The following SLC14A2 variants were observed in gnomAD, a reference collection of about 807,000 sequenced individuals.
SLC14A2 encodes the protein urea transporter 2.
Under a neutral mutation model 104.6 loss-of-function variants are expected in SLC14A2, and 91 were observed. The ratio of observed to expected loss-of-function variants is 0.87; its 90% CI spans 0.73 to 1.04. The LOEUF is 1.04. Ranked by LOEUF, SLC14A2 falls within the 50% of genes least tolerant of loss-of-function variation. The pLI, the probability that SLC14A2 is intolerant of heterozygous loss-of-function variation, is 0.00. For missense variants in SLC14A2, 1,189 were observed against 1,156.0 expected (o/e 1.03, Z -0.41); for synonymous variants, 476 against 466.4 (o/e 1.02, Z -0.27).
At chr18:45,476,097 T>C (rs1170143537) in intron 1 of SLC14A2, among the ~76,000 whole-genome samples, 1 of 152,320 alleles carries the variant, frequency 6.6e-6, no homozygotes, top group South Asian at 2.1e-4. Flanking sequence ...CAATTTGGTA[T>C]GTTTTTGCAG....
intron 2 of SLC14A2, chr18:45,550,048 A>G (rs937313092): frequency 6.6e-6 from 1 of 152,132 alleles, no homozygotes; most frequent in Non-Finnish European, 1.5e-5. Flanking sequence ...AACTACATCA[A>G]GCTGCATAGA....
intron 1 of SLC14A2, among the ~76,000 whole-genome samples, chr18:45,618,910 G>A (rs1209815496): frequency 2.6e-5 from 4 of 152,122 alleles, no homozygotes; most frequent in Admixed American, 6.6e-5. Context: ...GGGCATGGGC[G>A]TGTTTCTGCA....
At chr18:45,400,375 A>T (rs774027665) in intron 1 of SLC14A2, among the ~76,000 whole-genome samples, 2 of 152,160 alleles carry the variant, frequency 1.3e-5, no homozygotes, top group Non-Finnish European at 2.9e-5. Flanking sequence ...CTTTCTCATA[A>T]TTAGACCCAG....
At chr18:45,373,141 G>A (rs1239200849) in intron 1 of SLC14A2, among the ~76,000 whole-genome samples, 1 of 152,086 alleles carries the variant, frequency 6.6e-6, no homozygotes, top group South Asian at 2.1e-4. Context: ...ATAAGAACAG[G>A]GTTTATTGCT....
At chr18:45,643,489 C>T (rs1264038936) in intron 9 of SLC14A2, among the ~76,000 whole-genome samples, 4 of 152,180 alleles carry the variant, frequency 2.6e-5, no homozygotes, top group Non-Finnish European at 5.9e-5. Context: ...CAATTTTCAG[C>T]TCCATCATTG....
intron 1 of SLC14A2, among the ~76,000 whole-genome samples, chr18:45,396,647 TTCCC>T (rs59806139): frequency 6.7e-6 from 1 of 148,886 alleles, no homozygotes; most frequent in Non-Finnish European, 1.5e-5. Flanking sequence ...TTTTTCTTTT[TTCCC>T]TCTTTTTTCC....
At chr18:45,456,917 G>A (rs1411088130) in intron 1 of SLC14A2, among the ~76,000 whole-genome samples, 1 of 152,124 alleles carries the variant, frequency 6.6e-6, no homozygotes, top group Non-Finnish European at 1.5e-5. Context: ...TGGGAAGCAT[G>A]AGGAAATGCT....
Position 45,525,965 on chromosome 18 carries a change from A to G in SLC14A2, c.-35+42643A>G, listed in dbSNP as rs146121139. Among the ~76,000 whole-genome samples, 559 of 152,342 alleles carry G rather than the reference A, an allele frequency of 3.7e-3. 17 individuals carry two copies. Among genetic ancestry groups the G allele is most frequent in the Admixed American group, 0.033 (503 of 15,296 alleles). ...CAAATCTCAGCAAAATCAATTCAGTAGCTCAAAGGGTATTTGTAAGCAAAA... is the reference window on the plus strand; with the variant it reads ...CAAATCTCAGCAAAATCAATTCAGTGGCTCAAAGGGTATTTGTAAGCAAAA... On this transcript the variant is annotated intron_variant, in intron 2 of 20. Transcript: ENST00000586448.
intron 2 of SLC14A2, chr18:45,528,547 A>T (rs1282863873): frequency 6.7e-6 from 1 of 150,310 alleles, no homozygotes; most frequent in East Asian, 2.0e-4. Context: ...GCCAATAGGA[A>T]CCCCATTTTT....
chr18:45,319,369 T>C (rs2085162784), intron 1 of SLC14A2, among the ~76,000 whole-genome samples: 1 of 152,250 alleles, frequency 6.6e-6, no homozygotes, highest in African/African-American at 2.4e-5. Flanking sequence ...AGCGCCAGCA[T>C]ATAATGGCTC....
At chr18:45,216,408 C>G (rs779762502) in intron 1 of SLC14A2, among the ~76,000 whole-genome samples, 11 of 152,184 alleles carry the variant, frequency 7.2e-5, no homozygotes, top group Admixed American at 2.6e-4. Flanking sequence ...CTGGTCTAGT[C>G]TGATTCCTGA....
At chr18:45,582,731 C>A (rs1297382711) in intron 2 of SLC14A2, among the ~76,000 whole-genome samples, 1 of 152,170 alleles carries the variant, frequency 6.6e-6, no homozygotes, top group South Asian at 2.1e-4. Flanking sequence ...CTGTGACTTA[C>A]TCCTGCTGGC....
chr18:45,543,809 G>T (rs1387487506), intron 2 of SLC14A2, among the ~76,000 whole-genome samples: 1 of 152,216 alleles, frequency 6.6e-6, no homozygotes, highest in African/African-American at 2.4e-5. Context: ...TTTTAAGAGT[G>T]TTCCCACCGT....
intron 1 of SLC14A2, among the ~76,000 whole-genome samples, chr18:45,445,672 T>C (rs1269978017): frequency 2.6e-5 from 4 of 152,184 alleles, no homozygotes; most frequent in African/African-American, 9.7e-5. Flanking sequence ...TTGAAGTTAG[T>C]GGCCCAACAA....
At chr18:45,305,425 A>G (rs560219609) in intron 1 of SLC14A2, among the ~76,000 whole-genome samples, 1 of 152,182 alleles carries the variant, frequency 6.6e-6, no homozygotes, top group East Asian at 1.9e-4. Flanking sequence ...GTGGGACTCT[A>G]CTCCAGGATC....
chr18:45,380,322 T>C (rs539372170), intron 1 of SLC14A2, among the ~76,000 whole-genome samples: 5 of 152,272 alleles, frequency 3.3e-5, no homozygotes, highest in African/African-American at 4.8e-5. Context: ...TCGACCCAGG[T>C]GGGTTTATTA....
At position 45,331,640 on chromosome 18, in the gene SLC14A2, G is replaced by A. The variant is rs370850801; in HGVS notation, c.-125+118449G>A. On this transcript the variant is annotated intron_variant, in intron 1 of 20. Transcript: ENST00000586448. ...CAGGAGGCGGAGGTTGCAGTGAGCC[G>A]AGATCGCACCACTGCACTCCAGCCT... Among the ~76,000 whole-genome samples, 18 of 150,618 alleles carry A rather than the reference G, an allele frequency of 1.2e-4. No homozygotes were observed. In the East Asian group the frequency reaches 2.3e-3, roughly 20 times the overall value.
intron 1 of SLC14A2, among the ~76,000 whole-genome samples, chr18:45,374,644 G>A (rs2085755532): frequency 6.6e-6 from 1 of 151,512 alleles, no homozygotes; most frequent in Admixed American, 6.6e-5. Context: ...TCACAAGCCA[G>A]TTACAGACTC....
At chr18:45,528,882 AT>A in intron 2 of SLC14A2, 1 of 152,314 alleles carries the variant, frequency 6.6e-6, no homozygotes, top group East Asian at 1.9e-4. Context: ...CCAATAAACT[AT>A]GTATGGTAAA....
Sources: gnomAD v4.1 joint callset for allele counts (sites outside exome capture counted in the v4.1 genomes callset) on GRCh38, gnomAD v4.1.1 for gene constraint, MANE v1.5 for transcripts, NCBI Gene and HGNC (gene_info 2026-07-23, HGNC 2026-07-21) for gene names.